UBE2E2: variants seen among roughly 807,000 people sequenced by gnomAD.
UBE2E2 encodes ubiquitin-conjugating enzyme E2 E2.
UBE2E2 carries 6 observed loss-of-function variants against 24.7 expected under a neutral mutation model. The ratio of observed to expected loss-of-function variants is 0.24; its 90% CI spans 0.13 to 0.48. The LOEUF is 0.48. Among genes scored for constraint, UBE2E2 ranks in the 20% least tolerant of loss-of-function variants. The probability of loss-of-function intolerance (pLI) is 0.99; values close to 1 mark genes in which losing one functional copy is unlikely to be tolerated. For missense variants in UBE2E2, 169 were observed against 245.0 expected (o/e 0.69, Z 2.07); for synonymous variants, 104 against 83.6 (o/e 1.24, Z -1.33).
chr3:23,255,490 A>G (rs1476642054), intron 3 of UBE2E2, among the ~76,000 whole-genome samples: 1 of 152,156 alleles, frequency 6.6e-6, no homozygotes, highest in African/African-American at 2.4e-5. Flanking sequence ...CTATTTATTA[A>G]TGATTTGCTG....
chr3:23,363,208 G>A (rs767126936), intron 3 of UBE2E2, among the ~76,000 whole-genome samples: 6 of 152,170 alleles, frequency 3.9e-5, no homozygotes, highest in African/African-American at 1.4e-4. Context: ...ATTTAAGAAC[G>A]TAGACTAGTA....
chr3:23,397,615 T>G (rs2125367333), intron 3 of UBE2E2, among the ~76,000 whole-genome samples: 1 of 152,336 alleles, frequency 6.6e-6, no homozygotes, highest in African/African-American at 2.4e-5. Flanking sequence ...ACCATCTCAA[T>G]ACATGGGATC....
intron 3 of UBE2E2, among the ~76,000 whole-genome samples, chr3:23,328,679 T>G (rs1317811434): frequency 1.3e-5 from 2 of 152,042 alleles, no homozygotes; most frequent in Non-Finnish European, 2.9e-5. Flanking sequence ...TTTTTTTGTT[T>G]TGAGACGGAG....
At chr3:23,210,130 G>A (rs1696280044) in intron 2 of UBE2E2, among the ~76,000 whole-genome samples, 1 of 152,142 alleles carries the variant, frequency 6.6e-6, no homozygotes, top group Admixed American at 6.5e-5. Context: ...TGAGAAAGGT[G>A]GGGAATAGAG....
rs115516583 is a variant in UBE2E2, at chr3:23,248,910, C to T, written c.227+31598C>T. Among the ~76,000 whole-genome samples the T allele has an allele frequency of 6.0e-4, 92 of 152,218 alleles. No individual in the cohort carries two copies. The South Asian group carries it at 6.4e-3, about 11-fold the overall frequency. ...TTGGCCTTATTGAAGAATACTTGAC[C>T]GACTGATTTAAGAGCTATTCAAAGG... On this transcript the variant is annotated intron_variant, in intron 3 of 5. Transcript: ENST00000396703.
intron 5 of UBE2E2, among the ~76,000 whole-genome samples, chr3:23,571,848 G>A (rs1012453719): frequency 6.6e-6 from 1 of 152,124 alleles, no homozygotes; most frequent in Admixed American, 6.5e-5. Flanking sequence ...TGGAGGGGAG[G>A]GTGTGGAGAA....
intron 5 of UBE2E2, among the ~76,000 whole-genome samples, chr3:23,546,763 G>T (rs1019318416): frequency 6.6e-6 from 1 of 151,750 alleles, no homozygotes; most frequent in Non-Finnish European, 1.5e-5. Context: ...ATGAGCCACC[G>T]CGCCCGGCAA....
chr3:23,454,054 G>T (rs1204565304), intron 3 of UBE2E2, among the ~76,000 whole-genome samples: 1 of 152,112 alleles, frequency 6.6e-6, no homozygotes, highest in East Asian at 1.9e-4. Flanking sequence ...CTAAATGTAA[G>T]TATTTAATTT....
chr3:23,308,703 T>G (rs548977386), intron 3 of UBE2E2, among the ~76,000 whole-genome samples: 2 of 152,168 alleles, frequency 1.3e-5, no homozygotes, highest in African/African-American at 4.8e-5. Context: ...CAATAAGATA[T>G]ATATACAAAA....
intron 3 of UBE2E2, among the ~76,000 whole-genome samples, chr3:23,234,660 A>G (rs1575491343): frequency 6.6e-6 from 1 of 152,042 alleles, no homozygotes; most frequent in Non-Finnish European, 1.5e-5. Context: ...CTTGGGAAGG[A>G]GGTAGGGGGC....
At chr3:23,576,522 A>G (rs1217045036) in intron 5 of UBE2E2, among the ~76,000 whole-genome samples, 1 of 152,192 alleles carries the variant, frequency 6.6e-6, no homozygotes, top group Admixed American at 6.5e-5. Flanking sequence ...CTTCCTAGTA[A>G]TCCTTGAGTA....
intron 3 of UBE2E2, among the ~76,000 whole-genome samples, chr3:23,338,777 GA>G (rs1695286994): frequency 6.6e-6 from 1 of 152,168 alleles, no homozygotes; most frequent in Non-Finnish European, 1.5e-5. Flanking sequence ...GTGGTATCCA[GA>G]TATAATTAAG....
At chr3:23,228,453 A>G (rs1202799058) in intron 3 of UBE2E2, among the ~76,000 whole-genome samples, 2 of 152,162 alleles carry the variant, frequency 1.3e-5, no homozygotes, top group Non-Finnish European at 2.9e-5. Flanking sequence ...CCAACATGTA[A>G]TATTTTAATT....
At chr3:23,509,291 G>A (rs897778436) in intron 4 of UBE2E2, among the ~76,000 whole-genome samples, 10 of 152,200 alleles carry the variant, frequency 6.6e-5, no homozygotes, top group African/African-American at 2.4e-4. Context: ...TCAAGACATG[G>A]AACAGACACC....
chr3:23,267,474 C>T (rs1047590890), intron 3 of UBE2E2, among the ~76,000 whole-genome samples: 4 of 152,108 alleles, frequency 2.6e-5, no homozygotes, highest in African/African-American at 4.8e-5. Flanking sequence ...ATAAATTCCT[C>T]GACACATACA....
intron 3 of UBE2E2, among the ~76,000 whole-genome samples, chr3:23,302,450 C>T (rs1434528408): frequency 6.6e-6 from 1 of 152,158 alleles, no homozygotes; most frequent in Non-Finnish European, 1.5e-5. Context: ...GGCAAAAACA[C>T]CGCACATTCT....
intron 2 of UBE2E2, among the ~76,000 whole-genome samples, chr3:23,216,039 A>T (rs1696467446): frequency 6.6e-6 from 1 of 152,180 alleles, no homozygotes; most frequent in African/African-American, 2.4e-5. Context: ...CTTCTATTTT[A>T]CAGGACGGAA....
chr3:23,371,920 C>T (rs1292620098), intron 3 of UBE2E2, among the ~76,000 whole-genome samples: 3 of 152,022 alleles, frequency 2.0e-5, no homozygotes, highest in African/African-American at 7.3e-5. Flanking sequence ...GAGTTCAAGA[C>T]CAGCCTGCCC....
At chr3:23,395,933 C>T (rs749481206) in intron 3 of UBE2E2, among the ~76,000 whole-genome samples, 9 of 152,226 alleles carry the variant, frequency 5.9e-5, no homozygotes, top group Non-Finnish European at 1.2e-4. Context: ...TTTCATGCAA[C>T]TCAATTAAAT....
Sources: gnomAD v4.1 joint callset for allele counts (sites outside exome capture counted in the v4.1 genomes callset) on GRCh38, gnomAD v4.1.1 for gene constraint, MANE v1.5 for transcripts, NCBI Gene and HGNC (gene_info 2026-07-23, HGNC 2026-07-21) for gene names.